The following CDYL variants were observed in gnomAD, a reference collection of about 807,000 sequenced individuals.
The protein encoded by CDYL is chromodomain Y-like protein.
CDYL carries 8 observed loss-of-function variants against 47.3 expected under a neutral mutation model. The ratio of observed to expected loss-of-function variants is 0.17; its 90% confidence interval spans 0.10 to 0.31. The LOEUF is 0.31. Ranked by LOEUF, CDYL falls within the 10% of genes least tolerant of loss-of-function variation. CDYL has a pLI of 1.00. For synonymous variants in CDYL, 266 were observed against 265.0 expected, an observed-to-expected ratio of 1.00 and a Z score of -0.04; for missense variants, 471 against 701.4, an observed-to-expected ratio of 0.67 and a Z score of 3.71.
chr6:4,737,524 G>A (rs1157155920), intron 3 of CDYL, among the ~76,000 whole-genome samples: 2 of 151,714 alleles, frequency 1.3e-5, no homozygotes, highest in Non-Finnish European at 1.5e-5. Flanking sequence ...GCACATGCCT[G>A]TAATCCCAGC....
chr6:4,818,254 C>CA (rs1164007866), intron 1 of CDYL, among the ~76,000 whole-genome samples: 3 of 151,290 alleles, frequency 2.0e-5, no homozygotes, highest in African/African-American at 7.3e-5. Context: ...GCCCCTGTCT[C>CA]AAAAAATAAA....
At chr6:4,947,655 A>G (rs556320156) in intron 5 of CDYL, among the ~76,000 whole-genome samples, 166 of 150,692 alleles carry the variant, frequency 1.1e-3, no homozygotes, top group Non-Finnish European at 1.8e-3. Flanking sequence ...CTCTCTCTTC[A>G]CCCTCGGTCT....
At chr6:4,827,096 T>C (rs1055312785) in intron 1 of CDYL, among the ~76,000 whole-genome samples, 12 of 152,260 alleles carry the variant, frequency 7.9e-5, no homozygotes, top group Admixed American at 7.8e-4. Context: ...GTCTGTTTTG[T>C]CTGATATTAG....
intron 2 of CDYL, among the ~76,000 whole-genome samples, chr6:4,904,832 C>T (rs1384977033): frequency 2.6e-5 from 4 of 152,158 alleles, no homozygotes; most frequent in Non-Finnish European, 5.9e-5. Flanking sequence ...ACTTAGGACC[C>T]GTGTTAGCCA....
intron 6 of CDYL, 101 bp downstream of exon 6, chr6:4,952,510 T>G: frequency 7.6e-7 from 1 of 1,318,398 alleles, no homozygotes; most frequent in Admixed American, 2.4e-5. Context: ...CCTTTACGTT[T>G]GTCCTCAACA....
chr6:4,716,779 T>C (rs1381066856), intron 2 of CDYL, among the ~76,000 whole-genome samples: 1 of 151,968 alleles, frequency 6.6e-6, no homozygotes, highest in African/African-American at 2.4e-5. Flanking sequence ...GTATACGGTG[T>C]TGGGTGCACA....
At chr6:4,754,552 C>G (rs946006745) in intron 3 of CDYL, among the ~76,000 whole-genome samples, 3 of 152,136 alleles carry the variant, frequency 2.0e-5, no homozygotes, top group Admixed American at 2.0e-4. Context: ...ACTCTTTGCT[C>G]TCTGAGTATA....
At chr6:4,834,902 C>T (rs1016559625) in intron 1 of CDYL, among the ~76,000 whole-genome samples, 5 of 152,078 alleles carry the variant, frequency 3.3e-5, no homozygotes, top group African/African-American at 7.2e-5. Flanking sequence ...ACGTAGTTCT[C>T]GAGCCTTGGC....
At chr6:4,716,553 C>G (rs1757267284) in intron 2 of CDYL, among the ~76,000 whole-genome samples, 1 of 151,014 alleles carries the variant, frequency 6.6e-6, no homozygotes, top group Admixed American at 6.6e-5. Context: ...ATAGCACACC[C>G]TACACTCTGT....
chr6:4,708,453 C>T (rs1053910871), intron 1 of CDYL, among the ~76,000 whole-genome samples: 16 of 152,146 alleles, frequency 1.1e-4, no homozygotes, highest in Non-Finnish European at 2.1e-4. Flanking sequence ...AGCCACCACA[C>T]CTGGCCATAT....
intron 5 of CDYL, among the ~76,000 whole-genome samples, chr6:4,947,139 A>C (rs1169644212): frequency 6.6e-6 from 1 of 152,174 alleles, no homozygotes. Flanking sequence ...AGCCCGTTTC[A>C]GGGAAGAGGC....
intron 2 of CDYL, chr6:4,715,932 T>C: frequency 6.3e-7 from 1 of 1,581,374 alleles, no homozygotes; most frequent in Non-Finnish European, 8.6e-7. Flanking sequence ...GCAGAATTCT[T>C]AGAGAGGCCC....
At chr6:4,874,747 C>T (rs1426619854) in intron 1 of CDYL, among the ~76,000 whole-genome samples, 3 of 152,232 alleles carry the variant, frequency 2.0e-5, no homozygotes, top group Non-Finnish European at 4.4e-5. Flanking sequence ...TGGATAAGCA[C>T]TGTTCTCATG....
chr6:4,908,498 G>A (rs955830610), intron 2 of CDYL, among the ~76,000 whole-genome samples: 1 of 152,182 alleles, frequency 6.6e-6, no homozygotes, highest in Admixed American at 6.5e-5. Context: ...TAGCTTTGCA[G>A]ATTAAGCTAG....
chr6:4,866,481 A>T (rs1761326517), intron 1 of CDYL, among the ~76,000 whole-genome samples: 1 of 152,148 alleles, frequency 6.6e-6, no homozygotes, highest in South Asian at 2.1e-4. Flanking sequence ...CATGCCAACA[A>T]GTATGAGATA....
chr6:4,940,461 G>A (rs932640624), intron 4 of CDYL, among the ~76,000 whole-genome samples: 6 of 152,198 alleles, frequency 3.9e-5, no homozygotes, highest in Non-Finnish European at 5.9e-5. Flanking sequence ...TGGAGGCAAA[G>A]GACTTCATCG....
chr6:4,879,623 A>G (rs937595315), intron 1 of CDYL, among the ~76,000 whole-genome samples: 3 of 144,888 alleles, frequency 2.1e-5, no homozygotes, highest in Non-Finnish European at 3.0e-5. Context: ...CAGTGGCACA[A>G]TCTTGGCTCA....
intron 1 of CDYL, among the ~76,000 whole-genome samples, chr6:4,712,168 C>A (rs1044907775): frequency 9.2e-5 from 14 of 152,150 alleles, no homozygotes; most frequent in African/African-American, 3.1e-4. Context: ...CAATGTCAAG[C>A]CAGGACAGGC....
intron 1 of CDYL, among the ~76,000 whole-genome samples, chr6:4,886,009 G>A (rs906697548): frequency 6.6e-6 from 1 of 152,142 alleles, no homozygotes; most frequent in Admixed American, 6.5e-5. Context: ...CATCATGTAT[G>A]TGACTGACTT....
Sources: gnomAD v4.1 joint callset for allele counts (sites outside exome capture counted in the v4.1 genomes callset) on GRCh38, gnomAD v4.1.1 for gene constraint, MANE v1.5 for transcripts, NCBI Gene and HGNC (gene_info 2026-07-23, HGNC 2026-07-21) for gene names.